FHOD3: variants seen among roughly 807,000 people sequenced by gnomAD.
The protein encoded by FHOD3 is FH1/FH2 domain-containing protein 3.
In FHOD3, 90 loss-of-function variants were observed where a neutral mutation model predicts 173.0. That is an observed-to-expected ratio of 0.52 (90% CI 0.44 to 0.62). The LOEUF (loss-of-function observed/expected upper bound fraction) is 0.62. Among genes scored for constraint, FHOD3 ranks in the 20% least tolerant of loss-of-function variants. The pLI, the probability that FHOD3 is intolerant of heterozygous loss-of-function variation, is 0.00. For synonymous variants in FHOD3, 828 were observed against 823.0 expected (o/e 1.01, Z -0.10); for missense variants, 1,945 against 2,034.7 (o/e 0.96, Z 0.85).
rs1267196812 is a variant in FHOD3 at position 36,703,289 on chromosome 18, A to G, written c.2237-5806A>G. Among the ~76,000 whole-genome samples, 10 of 152,106 alleles carry G rather than the reference A, an allele frequency of 6.6e-5. No homozygotes were observed. In the East Asian group the frequency reaches 1.9e-3, roughly 29 times the overall value. On this transcript the variant is annotated intron_variant, in intron 17 of 28. Transcript: ENST00000590592. ...TTAATATCCCAGTTTCCTTCTTCCTACCTTTGCTAGAACTTCCAGGGGCTG... is the reference window on the plus strand; with the variant it reads ...TTAATATCCCAGTTTCCTTCTTCCTGCCTTTGCTAGAACTTCCAGGGGCTG...
chr18:36,319,016 G>A (rs568901345), intron 1 of FHOD3, among the ~76,000 whole-genome samples: 39 of 152,256 alleles, frequency 2.6e-4, no homozygotes, highest in African/African-American at 8.2e-4. Flanking sequence ...TTTATGTGAT[G>A]GATTACATTT....
intron 2 of FHOD3, among the ~76,000 whole-genome samples, chr18:36,357,457 G>A (rs187687221): frequency 5.9e-5 from 9 of 152,282 alleles, no homozygotes; most frequent in East Asian, 1.9e-4. Flanking sequence ...AGAAGACCAA[G>A]GTCCTTGTTA....
intron 14 of FHOD3, among the ~76,000 whole-genome samples, chr18:36,666,723 G>A (rs146954974): frequency 1.4e-4 from 22 of 152,206 alleles, no homozygotes; most frequent in African/African-American, 4.6e-4. Flanking sequence ...TGCATCTTTC[G>A]CAAATAAGAT....
rs908500603 is a variant in FHOD3, at chr18:36,417,185, C to A, written c.337+44441C>A. Reference sequence around the variant, plus strand: ...TCACCCAGGTATTAAGCCTAGTATCCATTAGTTATTTTTCTTGATCCTCTC... The same window carrying A: ...TCACCCAGGTATTAAGCCTAGTATCAATTAGTTATTTTTCTTGATCCTCTC... On this transcript the variant is annotated intron_variant, in intron 3 of 28. Coordinates refer to ENST00000590592, the MANE Select transcript of FHOD3 (RefSeq NM_001281740.3). Among the ~76,000 whole-genome samples, 31 of 152,190 alleles carry A rather than the reference C, an allele frequency of 2.0e-4. No individual in the cohort carries two copies. In the East Asian group the frequency reaches 4.4e-3, roughly 22 times the overall value.
chr18:36,315,587 G>C (rs2044077259), intron 1 of FHOD3, among the ~76,000 whole-genome samples: 1 of 152,140 alleles, frequency 6.6e-6, no homozygotes. Flanking sequence ...TTTGAATATT[G>C]CTTGTAACAT....
At chr18:36,670,070 C>A (rs2037431498) in intron 14 of FHOD3, among the ~76,000 whole-genome samples, 1 of 151,548 alleles carries the variant, frequency 6.6e-6, no homozygotes. Flanking sequence ...CCACTTTGTT[C>A]TACTTTACAT....
intron 5 of FHOD3, among the ~76,000 whole-genome samples, chr18:36,543,452 G>A (rs2057300822): frequency 6.6e-6 from 1 of 152,102 alleles, no homozygotes; most frequent in Non-Finnish European, 1.5e-5. Context: ...TGGCCTGGTT[G>A]GACCATACGC....
Position 36,612,160 on chromosome 18 carries a change from G to A in FHOD3, c.957+65G>A, listed in dbSNP as rs995682112. 34 of 1,551,902 alleles carry A rather than the reference G, an allele frequency of 2.2e-5. No homozygotes were observed. The African/African-American group carries it at 2.9e-4, about 13-fold the overall frequency. On this transcript the variant is annotated intron_variant, in intron 9 of 28. Transcript: ENST00000590592. ...GGCAATTGTCAAAGGCTGAGATGGC[G>A]CCTACTTTAGACCACGCGTAAAGCG... is the stretch of plus-strand genomic sequence containing the variant.
chr18:36,423,749 G>A (rs980667975), intron 3 of FHOD3, among the ~76,000 whole-genome samples: 20 of 152,162 alleles, frequency 1.3e-4, no homozygotes, highest in African/African-American at 3.9e-4. Flanking sequence ...CAACTGATAC[G>A]TGGGTTTTTT....
intron 4 of FHOD3, among the ~76,000 whole-genome samples, chr18:36,504,912 G>A (rs1458977445): frequency 6.6e-6 from 1 of 152,190 alleles, no homozygotes; most frequent in East Asian, 1.9e-4. Flanking sequence ...TCGATCTCAT[G>A]TGATGGTCAT....
At chr18:36,442,496 A>G (rs374399089) in intron 3 of FHOD3, among the ~76,000 whole-genome samples, 8 of 152,228 alleles carry the variant, frequency 5.3e-5, no homozygotes, top group African/African-American at 1.9e-4. Flanking sequence ...CCTATTATCT[A>G]TGTTTCATTA....
At position 36,409,517 on chromosome 18, in the gene FHOD3, T is replaced by A. The variant is rs147975038; in HGVS notation, c.337+36773T>A. Reference sequence around the variant, plus strand: ...GTTTGTGTTCCCAGGAACCTTCCCGTGTTATTGTTGATTCATTTCCCCCTC... The same window carrying A: ...GTTTGTGTTCCCAGGAACCTTCCCGAGTTATTGTTGATTCATTTCCCCCTC... On this transcript the variant is annotated intron_variant, in intron 3 of 28. Transcript: ENST00000590592. Among the ~76,000 whole-genome samples the A allele has an allele frequency of 1.6e-3, 251 of 152,186 alleles. 1 individual carries two copies. Among genetic ancestry groups the A allele is most frequent in the Non-Finnish European group, 2.8e-3 (190 of 67,986 alleles).
intron 27 of FHOD3, among the ~76,000 whole-genome samples, chr18:36,762,650 G>T (rs1434445622): frequency 6.6e-6 from 1 of 151,968 alleles, no homozygotes; most frequent in Non-Finnish European, 1.5e-5. Flanking sequence ...TACAAAATTA[G>T]CTGGGTGTGG....
intron 28 of FHOD3, among the ~76,000 whole-genome samples, chr18:36,772,739 A>T (rs2043442563): frequency 6.6e-6 from 1 of 152,202 alleles, no homozygotes; most frequent in Non-Finnish European, 1.5e-5. Flanking sequence ...CTGCTCTCCC[A>T]GCTGGTGCCA....
intron 17 of FHOD3, among the ~76,000 whole-genome samples, chr18:36,704,432 G>T (rs1403539060): frequency 6.6e-6 from 1 of 152,168 alleles, no homozygotes; most frequent in African/African-American, 2.4e-5. Context: ...CTGGGCACCT[G>T]GCCCAAGTCC....
intron 1 of FHOD3, among the ~76,000 whole-genome samples, chr18:36,325,177 T>C (rs2044606523): frequency 6.6e-6 from 1 of 151,718 alleles, no homozygotes; most frequent in South Asian, 2.1e-4. Context: ...AGGAGGGGGT[T>C]TTGACTGGCA....
At chr18:36,542,393 G>A (rs1188161095) in intron 5 of FHOD3, among the ~76,000 whole-genome samples, 1 of 152,010 alleles carries the variant, frequency 6.6e-6, no homozygotes, top group Non-Finnish European at 1.5e-5. Flanking sequence ...ATTAATTTGA[G>A]TAAAATTCTA....
At chr18:36,730,516 G>A in intron 19 of FHOD3, 130 bp from the exon 20 acceptor site, 1 of 855,428 alleles carries the variant, frequency 1.2e-6, no homozygotes, top group East Asian at 2.6e-5. Flanking sequence ...ACAGTAGCCA[G>A]TCCTTCTCTG....
chr18:36,475,311 A>T (rs1458477432), intron 3 of FHOD3, among the ~76,000 whole-genome samples: 1 of 152,002 alleles, frequency 6.6e-6, no homozygotes, highest in Admixed American at 6.6e-5. Context: ...CTACATGCAG[A>T]GATGGTGTCC....
Sources: gnomAD v4.1 joint callset for allele counts (sites outside exome capture counted in the v4.1 genomes callset) on GRCh38, gnomAD v4.1.1 for gene constraint, MANE v1.5 for transcripts, NCBI Gene and HGNC (gene_info 2026-07-23, HGNC 2026-07-21) for gene names.